Variants in AGBL4 observed in about 807,000 individuals in gnomAD.
AGBL4 encodes the protein AGBL carboxypeptidase 4, also known as cytosolic carboxypeptidase 6.
Under a neutral mutation model 66.4 loss-of-function variants are expected in AGBL4, and 58 were observed. The ratio of observed to expected loss-of-function variants is 0.87; its 90% confidence interval spans 0.71 to 1.09. The LOEUF (loss-of-function observed/expected upper bound fraction) is 1.09, where lower values mean the gene tolerates loss of function less well. Among genes scored for constraint, AGBL4 ranks in the 50% least tolerant of loss-of-function variants. AGBL4 has a pLI of 0.00. For missense variants in AGBL4, 579 were observed against 631.0 expected (o/e 0.92, Z 0.88); for synonymous variants, 234 against 222.9 (o/e 1.05, Z -0.44).
At chr1:49,453,311 T>C (rs1197222150) in intron 3 of AGBL4, among the ~76,000 whole-genome samples, 2 of 151,850 alleles carry the variant, frequency 1.3e-5, no homozygotes, top group Admixed American at 6.6e-5. Flanking sequence ...AGTTTGCAAA[T>C]ATTATGCCAC....
intron 3 of AGBL4, among the ~76,000 whole-genome samples, chr1:49,488,792 T>A (rs754283176): frequency 1.3e-5 from 2 of 151,926 alleles, no homozygotes; most frequent in Non-Finnish European, 2.9e-5. Context: ...AGTGAGAACA[T>A]GCAAACTTTG....
intron 6 of AGBL4, among the ~76,000 whole-genome samples, chr1:48,689,753 A>C (rs1646599234): frequency 6.6e-6 from 1 of 152,166 alleles, no homozygotes; most frequent in South Asian, 2.1e-4. Context: ...TAAAAAATAA[A>C]ATTTAGCCAG....
At chr1:48,741,054 A>C (rs918163423) in intron 6 of AGBL4, among the ~76,000 whole-genome samples, 3 of 152,350 alleles carry the variant, frequency 2.0e-5, no homozygotes, top group African/African-American at 7.2e-5. Context: ...GAAGAATGCT[A>C]TCTTTGCAAA....
chr1:49,050,745 A>G (rs995794451), intron 4 of AGBL4, among the ~76,000 whole-genome samples: 1 of 152,152 alleles, frequency 6.6e-6, no homozygotes, highest in Non-Finnish European at 1.5e-5. Flanking sequence ...GTCTTTGTCA[A>G]CAACTTCAGG....
intron 6 of AGBL4, among the ~76,000 whole-genome samples, chr1:48,779,363 T>G (rs977840812): frequency 3.3e-5 from 5 of 152,340 alleles, no homozygotes; most frequent in Admixed American, 2.6e-4. Context: ...CAAGCTTTTG[T>G]GCTTTTTCTG....
intron 4 of AGBL4, among the ~76,000 whole-genome samples, chr1:49,118,192 A>C (rs184101353): frequency 1.2e-4 from 19 of 152,240 alleles, no homozygotes; most frequent in African/African-American, 3.9e-4. Flanking sequence ...TCTTTTCCTA[A>C]TTGCATACCC....
intron 2 of AGBL4, among the ~76,000 whole-genome samples, chr1:49,841,178 A>C (rs1023004561): frequency 5.9e-5 from 9 of 152,188 alleles, no homozygotes; most frequent in African/African-American, 1.9e-4. Context: ...ACATACAAAA[A>C]TCAGTAGCAT....
intron 2 of AGBL4, among the ~76,000 whole-genome samples, chr1:49,743,003 T>A (rs1312255984): frequency 6.6e-6 from 1 of 152,214 alleles, no homozygotes; most frequent in Non-Finnish European, 1.5e-5. Context: ...AAGGACTTCA[T>A]GTCTAAAACA....
intron 3 of AGBL4, among the ~76,000 whole-genome samples, chr1:49,614,098 G>A (rs1645205739): frequency 6.6e-6 from 1 of 151,878 alleles, no homozygotes; most frequent in Non-Finnish European, 1.5e-5. Flanking sequence ...GCATAAAATT[G>A]CACGAATTAC....
Position 48,653,334 on chromosome 1 carries a change from T to C in AGBL4, c.839+3A>G, listed in dbSNP as rs183700256. ...CTTCCAAGCATTCTCCCCAATTCCT[T>C]ACCTGTAATTGCCCAGGTAGACTCC... On this transcript the variant is annotated splice_donor_region_variant and intron_variant, in intron 8 of 13. Coordinates refer to ENST00000371839, the MANE Select transcript of AGBL4 (RefSeq NM_032785.4). 136 of 1,563,826 alleles carry C rather than the reference T, an allele frequency of 8.7e-5. No homozygotes were observed. The highest frequency in any genetic ancestry group is 3.6e-4 in the Admixed American group (19 of 53,056).
At chr1:49,618,128 G>C (rs975290251) in intron 3 of AGBL4, among the ~76,000 whole-genome samples, 4 of 152,130 alleles carry the variant, frequency 2.6e-5, no homozygotes, top group Non-Finnish European at 5.9e-5. Flanking sequence ...TCTTCTGTTA[G>C]TTTGCTGAGA....
chr1:49,193,103 T>A (rs1339258333), intron 4 of AGBL4, among the ~76,000 whole-genome samples: 4 of 152,212 alleles, frequency 2.6e-5, no homozygotes, highest in African/African-American at 7.2e-5. Context: ...TGTCTTCTCA[T>A]TTTCTTGGTT....
chr1:49,119,414 T>C (rs1045061348), intron 4 of AGBL4, among the ~76,000 whole-genome samples: 9 of 152,208 alleles, frequency 5.9e-5, no homozygotes, highest in African/African-American at 2.2e-4. Flanking sequence ...TTCTCATTGG[T>C]TTCAAAGAAC....
intron 1 of AGBL4, among the ~76,000 whole-genome samples, chr1:49,992,807 G>C (rs1369113528): frequency 2.6e-5 from 4 of 152,080 alleles, no homozygotes; most frequent in Admixed American, 2.6e-4. Context: ...TGATCTTGAG[G>C]ACTCTCACTC....
At chr1:49,872,758 A>G (rs1399982243) in intron 1 of AGBL4, among the ~76,000 whole-genome samples, 1 of 152,118 alleles carries the variant, frequency 6.6e-6, no homozygotes, top group Non-Finnish European at 1.5e-5. Context: ...TAATAGGACT[A>G]AAACTTATGT....
chr1:49,523,590 G>A (rs1434788313), intron 3 of AGBL4, among the ~76,000 whole-genome samples: 5 of 152,038 alleles, frequency 3.3e-5, no homozygotes, highest in African/African-American at 1.2e-4. Flanking sequence ...ACTGGGAGGT[G>A]AAGACAAGGA....
At chr1:49,304,277 G>A (rs1283247112) in intron 3 of AGBL4, among the ~76,000 whole-genome samples, 4 of 152,138 alleles carry the variant, frequency 2.6e-5, no homozygotes. Context: ...TCAGATGGTT[G>A]CAGATGTGCA....
At chr1:49,308,193 C>A (rs1570400043) in intron 3 of AGBL4, among the ~76,000 whole-genome samples, 1 of 152,156 alleles carries the variant, frequency 6.6e-6, no homozygotes, top group Non-Finnish European at 1.5e-5. Flanking sequence ...CCAATTAAAT[C>A]TTTTTCCTTT....
At chr1:49,950,089 T>C (rs1488699398) in intron 1 of AGBL4, among the ~76,000 whole-genome samples, 1 of 143,876 alleles carries the variant, frequency 7.0e-6, no homozygotes, top group African/African-American at 2.5e-5. Flanking sequence ...TATGTGTATA[T>C]ATATACACAT....
Sources: allele counts gnomAD v4.1 joint callset (sites outside exome capture counted in the v4.1 genomes callset), GRCh38; gene constraint gnomAD v4.1.1; transcripts MANE v1.5; gene names NCBI Gene and HGNC (gene_info 2026-07-23, HGNC 2026-07-21).